Variants in SERPINA11 observed in about 807,000 individuals in gnomAD.
SERPINA11 encodes serpin family A member 11.
In SERPINA11, 28 loss-of-function variants were observed where a neutral mutation model predicts 29.4. That is an observed-to-expected ratio of 0.95 (90% CI 0.70 to 1.30). The LOEUF (loss-of-function observed/expected upper bound fraction) is 1.30, where lower values mean the gene tolerates loss of function less well. Ranked by LOEUF, SERPINA11 falls within the 50% of genes most tolerant of loss-of-function variation. SERPINA11 has a pLI of 0.00. For missense variants in SERPINA11, 530 were observed against 507.3 expected, an observed-to-expected ratio of 1.04 and a Z score of -0.43; for synonymous variants, 253 against 206.6, an observed-to-expected ratio of 1.22 and a Z score of -1.92.
chr14:94,448,985 A>G (rs1898504940), intron 1 of SERPINA11, among the ~76,000 whole-genome samples: 1 of 152,138 alleles, frequency 6.6e-6, no homozygotes. Context: ...TGCTTTACAT[A>G]TAGTAGGTTT....
At chr14:94,448,845 C>T in intron 1 of SERPINA11, 68 bp from the exon 2 acceptor site, 2 of 1,387,244 alleles carry the variant, frequency 1.4e-6, no homozygotes, top group Non-Finnish European at 1.9e-6. Flanking sequence ...ATTGCTCATA[C>T]CACAAATCCC....
Position 94,448,565 on chromosome 14 carries a change from G to C in SERPINA11, c.210C>G (p.Pro70=). The C allele has an allele frequency of 6.2e-7, 1 of 1,614,170 alleles. No homozygotes were observed. Among genetic ancestry groups the C allele is most frequent in the Non-Finnish European group, 8.5e-7 (1 of 1,180,038 alleles). The change falls in exon 2 of 5, where the codon CCC becomes CCG. Residue 70 remains proline, a synonymous_variant. Transcript: ENST00000334708. ...TCACTGGCGAGAAGAAGATGTTTCCGGGGGCGTCTGCTGCCAGCTCTTTAT... is the reference window on the plus strand; with the variant it reads ...TCACTGGCGAGAAGAAGATGTTTCCCGGGGCGTCTGCTGCCAGCTCTTTAT... The part of the protein sequence containing the change: ...RLYKELAADA[P]GNIFFSPVSI...
At chr14:94,444,192 G>T (rs1175791474) in intron 3 of SERPINA11, among the ~76,000 whole-genome samples, 2 of 152,138 alleles carry the variant, frequency 1.3e-5, no homozygotes, top group African/African-American at 4.8e-5. Context: ...AGTCTAGTGG[G>T]GCAGGGGTCT....
intron 1 of SERPINA11, among the ~76,000 whole-genome samples, chr14:94,450,394 C>A (rs1028460337): frequency 4.6e-5 from 7 of 152,084 alleles, no homozygotes; most frequent in African/African-American, 1.7e-4. Context: ...TGGACACAGA[C>A]AACACACAGG....
intron 3 of SERPINA11, among the ~76,000 whole-genome samples, chr14:94,444,824 A>T (rs1002433461): frequency 1.3e-5 from 2 of 152,124 alleles, no homozygotes; most frequent in African/African-American, 2.4e-5. Context: ...GACCGTCAAA[A>T]GGTGGCATCT....
chr14:94,442,658 G>A lies in SERPINA11; in HGVS notation c.1217C>T (p.Thr406Ile). Reference protein sequence around the residue: ...RPFLLLLWEVTTQSLLFLGKV... With the variant: ...RPFLLLLWEVITQSLLFLGKV... ...TCCCAGGAAGAGTAAGCTCTGGGTG[G>A]TGACCTCCCAAAGGAGCAAGAGGAA... Residue 406 changes from threonine to isoleucine, a missense_variant, in exon 5 of 5, where the codon ACC (threonine) becomes ATC (isoleucine). Physicochemically the swap from Thr to Ile is moderately conservative, Grantham distance 89. Coordinates refer to ENST00000334708, the MANE Select transcript of SERPINA11 (RefSeq NM_001080451.2). The A allele has an allele frequency of 6.2e-7, 1 of 1,612,674 alleles. No individual in the cohort carries two copies. The highest frequency in any genetic ancestry group is 2.2e-5 in the East Asian group (1 of 44,806).
chr14:94,446,481 T>G lies in SERPINA11; in HGVS notation c.767A>C (p.Asp256Ala). 6.2e-7 allele frequency: 1 copy of G among 1,614,172 alleles called. No homozygotes were observed. The highest frequency in any genetic ancestry group is 8.5e-7 in the Non-Finnish European group (1 of 1,180,022). ...GAGGACGGTGCAAGCCAAATCCTGG[T>G]CATAGAGGAATCTGTGCATTTCCTT... ...HQKEMHRFLY[D>A]QDLACTVLQI... Residue 256 changes from aspartate to alanine, a missense_variant, in exon 3 of 5, where the codon GAC (aspartate) becomes GCC (alanine). Transcript: ENST00000334708.
chr14:94,448,202 T>C lies in SERPINA11; in HGVS notation c.573A>G (p.Gln191=). ...TGAACTCCGGGAGGCAGTCCACGACTTGCCCGTATGTTTGCCTTCTCAAAT... is the reference window on the plus strand; with the variant it reads ...TGAACTCCGGGAGGCAGTCCACGACCTGCCCGTATGTTTGCCTTCTCAAAT... ...NDYLRRQTYG[Q]VVDCLPEFSQ... is the part of the protein sequence containing the mutation. Residue 191 remains glutamine (Q), a synonymous_variant, in exon 2 of 5, where the codon CAA becomes CAG. Coordinates refer to ENST00000334708, the MANE Select transcript of SERPINA11 (RefSeq NM_001080451.2). The C allele has an allele frequency of 6.2e-7, 1 of 1,614,218 alleles. No individual in the cohort carries two copies. Among genetic ancestry groups the C allele is most frequent in the Non-Finnish European group, 8.5e-7 (1 of 1,180,012 alleles).
chr14:94,449,265 G>A (rs771034453), intron 1 of SERPINA11, among the ~76,000 whole-genome samples: 42 of 152,170 alleles, frequency 2.8e-4, no homozygotes, highest in African/African-American at 9.2e-4. Flanking sequence ...GGGCCTGGGG[G>A]GTCTAGGCTG....
At chr14:94,446,148 T>C (rs1898432556) in intron 3 of SERPINA11, among the ~76,000 whole-genome samples, 183 bp downstream of exon 3, 1 of 152,182 alleles carries the variant, frequency 6.6e-6, no homozygotes, top group South Asian at 2.1e-4. Flanking sequence ...GCAGGTATCA[T>C]GTTCTTAGTT....
chr14:94,443,545 G>A (rs1300607763), intron 3 of SERPINA11, among the ~76,000 whole-genome samples: 1 of 152,192 alleles, frequency 6.6e-6, no homozygotes, highest in East Asian at 1.9e-4. Flanking sequence ...AGGCTGAACT[G>A]ATGGAATCCA....
chr14:94,443,424 A>G (rs893577977), intron 3 of SERPINA11, among the ~76,000 whole-genome samples, 199 bp from the exon 4 acceptor site: 5 of 152,146 alleles, frequency 3.3e-5, no homozygotes, highest in Non-Finnish European at 7.3e-5. Context: ...ACCTCCTGGA[A>G]TATCTTGTGG....
rs1898360314 is a variant in SERPINA11, at chr14:94,442,532, C to T, written c.*74G>A. Reference sequence around the variant, plus strand: ...GATTAACTGAACCACATAGCAGCCCCAGGATGCAGGCTGGTTCTGGCCTAT... The same window carrying T: ...GATTAACTGAACCACATAGCAGCCCTAGGATGCAGGCTGGTTCTGGCCTAT... On this transcript the variant is annotated 3_prime_UTR_variant, in exon 5 of 5. Coordinates refer to ENST00000334708, the MANE Select transcript of SERPINA11 (RefSeq NM_001080451.2). 1.9e-6 allele frequency: 2 copies of T among 1,076,852 alleles called. No individual in the cohort carries two copies. Among genetic ancestry groups the T allele is most frequent in the African/African-American group, 3.2e-5 (2 of 63,072 alleles). 66.7% of individuals were successfully genotyped at this position (1,076,852 alleles called of 1,614,324 possible).
intron 3 of SERPINA11, 77 bp downstream of exon 3, chr14:94,446,254 T>C: frequency 7.5e-7 from 1 of 1,334,824 alleles, no homozygotes; most frequent in Non-Finnish European, 1.0e-6. Context: ...ATGTTGGGCT[T>C]TTGCAGCTGG....
In SERPINA11 at chr14:94,443,168, G is replaced by T. The variant is rs776006390; in HGVS notation, c.975C>A (p.Asp325Glu). ...TGGTGAGACCAATTTGGGGAAGTAT[G>T]TCTTCCAGGTTATATGTTCCAGAAA... Reference protein sequence around the residue: ...FSISGTYNLEDILPQIGLTNI... With the variant: ...FSISGTYNLEEILPQIGLTNI... The change falls in exon 4 of 5, where the codon GAC becomes GAA. Residue 325 changes from aspartate to glutamate, a missense_variant. Physicochemically the swap from Asp to Glu is conservative, Grantham distance 45. Coordinates refer to ENST00000334708, the MANE Select transcript of SERPINA11 (RefSeq NM_001080451.2). 5.6e-6 allele frequency: 9 copies of T among 1,613,970 alleles called. No homozygotes were observed. In the South Asian group the frequency reaches 6.6e-5, roughly 12 times the overall value.
chr14:94,442,633 TC>T lies in SERPINA11; in HGVS notation c.1241del (p.Gly414GlufsTer27). 6.2e-7 allele frequency: 1 copy of T among 1,611,102 alleles called. No homozygotes were observed. Among genetic ancestry groups the T allele is most frequent in the Non-Finnish European group, 8.5e-7 (1 of 1,178,566 alleles). The part of the protein sequence containing the change: ...EVTTQSLLFL[G>X]KVVNPVAG ...ACCCTGCAACTGGGTTGACAACTTT[TC>T]CCAGGAAGAGTAAGCTCTGGGTGGT... On this transcript the variant is annotated frameshift_variant, in exon 5 of 5. Coordinates refer to ENST00000334708, the MANE Select transcript of SERPINA11 (RefSeq NM_001080451.2). LOFTEE classifies it high-confidence loss of function.
In SERPINA11 at chr14:94,448,448, T is replaced by C; in HGVS notation, c.327A>G (p.Glu109=). ...CCTGGTGGATGTCGGCTTCAGGGGT[T>C]TCTGTGAGGTTGAATCCCAGGCCCT... ...ILEGLGFNLT[E]TPEADIHQGF... is the part of the protein sequence containing the mutation. Residue 109 remains glutamate, a synonymous_variant, in exon 2 of 5, where the codon GAA becomes GAG. Coordinates refer to ENST00000334708, the MANE Select transcript of SERPINA11 (RefSeq NM_001080451.2). 1 of 1,614,104 alleles carries C rather than the reference T, an allele frequency of 6.2e-7. No individual in the cohort carries two copies.
At chr14:94,449,009 G>C (rs548129783) in intron 1 of SERPINA11, among the ~76,000 whole-genome samples, 3 of 152,234 alleles carry the variant, frequency 2.0e-5, no homozygotes, top group African/African-American at 7.2e-5. Context: ...ACATTTTGTT[G>C]AGTAAAAGTC....
In SERPINA11 at chr14:94,443,210, G is replaced by A. The variant is rs1197646034; in HGVS notation, c.933C>T (p.His311=). 10 of 1,613,518 alleles carry A rather than the reference G, an allele frequency of 6.2e-6. No individual in the cohort carries two copies. The highest frequency in any genetic ancestry group is 2.7e-5 in the African/African-American group (2 of 74,920). Residue 311 remains histidine, a synonymous_variant, in exon 4 of 5, where the codon CAC becomes CAT. Transcript: ENST00000334708. ...TTCCAGAAATTGAAAACCTTGGCAA[G>A]TGCAAATCCAACAGACTGGAGAGAG... ...QLLLPSLLDL[H]LPRFSISGTY...
Sources: gnomAD v4.1 joint callset for allele counts (sites outside exome capture counted in the v4.1 genomes callset) on GRCh38, gnomAD v4.1.1 for gene constraint, MANE v1.5 for transcripts, NCBI Gene and HGNC (gene_info 2026-07-23, HGNC 2026-07-21) for gene names.